PAN3: variants seen among roughly 807,000 people sequenced by gnomAD.
The protein encoded by PAN3 is poly(A) specific ribonuclease subunit PAN3.
PAN3 carries 19 observed loss-of-function variants against 96.2 expected under a neutral mutation model. That is an observed-to-expected ratio of 0.20 (90% CI 0.14 to 0.29). The LOEUF (loss-of-function observed/expected upper bound fraction) is 0.29. Among genes scored for constraint, PAN3 ranks in the 10% least tolerant of loss-of-function variants. The pLI, the probability that PAN3 is intolerant of heterozygous loss-of-function variation, is 1.00. For synonymous variants in PAN3, 433 were observed against 406.6 expected, an observed-to-expected ratio of 1.06 and a Z score of -0.78; for missense variants, 882 against 1,108.1, an observed-to-expected ratio of 0.80 and a Z score of 2.90.
intron 18 of PAN3, among the ~76,000 whole-genome samples, chr13:28,291,731 T>G (rs1052714742): frequency 6.6e-6 from 1 of 152,054 alleles, no homozygotes; most frequent in Non-Finnish European, 1.5e-5. Flanking sequence ...CTCGGGAGGT[T>G]GAGGCAGGAG....
At chr13:28,241,883 A>G (rs1489714738) in intron 6 of PAN3, among the ~76,000 whole-genome samples, 1 of 151,368 alleles carries the variant, frequency 6.6e-6, no homozygotes, top group African/African-American at 2.5e-5. Context: ...AATGCTTCAC[A>G]TGTTCTCAAG....
intron 6 of PAN3, among the ~76,000 whole-genome samples, chr13:28,248,165 T>C (rs545594080): frequency 1.3e-5 from 2 of 152,320 alleles, no homozygotes; most frequent in African/African-American, 4.8e-5. Context: ...AGATATTCTA[T>C]ATTTTTTGTA....
intron 6 of PAN3, among the ~76,000 whole-genome samples, chr13:28,247,721 A>G (rs1441294662): frequency 6.6e-6 from 1 of 152,162 alleles, no homozygotes; most frequent in Non-Finnish European, 1.5e-5. Context: ...CCGTTATGGA[A>G]AATTAGTTGC....
At chr13:28,185,425 G>GT (rs1876327724) in intron 4 of PAN3, among the ~76,000 whole-genome samples, 2 of 152,108 alleles carry the variant, frequency 1.3e-5, no homozygotes, top group Non-Finnish European at 2.9e-5. Context: ...ATTAAATTTT[G>GT]TTTTAACAAG....
At chr13:28,255,753 T>C (rs929812641) in intron 6 of PAN3, among the ~76,000 whole-genome samples, 1 of 152,144 alleles carries the variant, frequency 6.6e-6, no homozygotes, top group Admixed American at 6.6e-5. Context: ...AACTTTTTTT[T>C]TTTTGCTTTT....
chr13:28,267,003 A>C (rs990573049), intron 10 of PAN3, 92 bp from the exon 11 acceptor site: 1 of 1,332,416 alleles, frequency 7.5e-7, no homozygotes, highest in Non-Finnish European at 1.0e-6. Flanking sequence ...CCTCATGAGC[A>C]ATGTATAAAT....
At chr13:28,160,679 A>G (rs1314763073) in intron 1 of PAN3, among the ~76,000 whole-genome samples, 1 of 152,258 alleles carries the variant, frequency 6.6e-6, no homozygotes, top group African/African-American at 2.4e-5. Flanking sequence ...TAAACCTGTC[A>G]ATAAGTAACA....
intron 4 of PAN3, among the ~76,000 whole-genome samples, chr13:28,181,383 G>A (rs543956989): frequency 1.3e-5 from 2 of 151,780 alleles, no homozygotes; most frequent in South Asian, 2.1e-4. Context: ...GGTGGTGAAC[G>A]CCTGTAGTCA....
intron 14 of PAN3, among the ~76,000 whole-genome samples, chr13:28,272,915 T>G (rs1029943878): frequency 6.6e-6 from 1 of 152,182 alleles, no homozygotes; most frequent in Admixed American, 6.5e-5. Flanking sequence ...GAAAATGTAT[T>G]TATGTGATTT....
intron 6 of PAN3, among the ~76,000 whole-genome samples, chr13:28,241,212 A>G (rs1387071836): frequency 7.9e-5 from 12 of 152,024 alleles, no homozygotes; most frequent in African/African-American, 2.4e-5. Flanking sequence ...TCAGTGAACC[A>G]TGTTGGCGCC....
intron 1 of PAN3, among the ~76,000 whole-genome samples, chr13:28,172,062 T>C (rs1874375817): frequency 6.6e-6 from 1 of 152,212 alleles, no homozygotes; most frequent in Admixed American, 6.5e-5. Flanking sequence ...CTAGTGCCTA[T>C]CACTTAGGAA....
In PAN3 at chr13:28,174,374, C is replaced by T; in HGVS notation, c.533C>T (p.Thr178Ile). 2 of 1,613,164 alleles carry T rather than the reference C, an allele frequency of 1.2e-6. No individual in the cohort carries two copies. Among genetic ancestry groups the T allele is most frequent in the Non-Finnish European group, 8.5e-7 (1 of 1,179,304 alleles). Residue 178 changes from threonine to isoleucine, a missense_variant, in exon 2 of 19, where the codon ACA becomes ATA. By Grantham distance (89) the Thr-to-Ile change is moderately conservative (BLOSUM62 -1). Around this residue, in one of 3 missense-constraint regions of PAN3, gnomAD observed 442 missense variants for 422.8 expected, o/e 1.05. Transcript: ENST00000380958. ...GVNGFGSPVE[T>I]KYPLMQRMTN... ...AATGGATTTGGAAGCCCTGTAGAAACAAAATATCCCCTGATGCAGGTATCC... is the reference window on the plus strand; with the variant it reads ...AATGGATTTGGAAGCCCTGTAGAAATAAAATATCCCCTGATGCAGGTATCC...
intron 1 of PAN3, among the ~76,000 whole-genome samples, chr13:28,157,328 C>G (rs750577196): frequency 3.9e-5 from 6 of 152,126 alleles, no homozygotes; most frequent in Non-Finnish European, 8.8e-5. Flanking sequence ...ACTCTCAACA[C>G]TGCTATTCGA....
At chr13:28,235,694 CAT>C (rs1306176893) in intron 6 of PAN3, among the ~76,000 whole-genome samples, 196 of 91,284 alleles carry the variant, frequency 2.1e-3, no homozygotes, top group Admixed American at 3.0e-3. Context: ...CACACACACA[CAT>C]ACACACACAC....
chr13:28,264,313 T>C (rs1442534285), intron 9 of PAN3, among the ~76,000 whole-genome samples: 1 of 152,002 alleles, frequency 6.6e-6, no homozygotes, highest in Admixed American at 6.6e-5. Flanking sequence ...CCAAGGTGAG[T>C]GGATCACTTG....
intron 7 of PAN3, 135 bp downstream of exon 7, chr13:28,256,674 G>A (rs1885169597): frequency 1.1e-6 from 1 of 950,802 alleles, no homozygotes; most frequent in Non-Finnish European, 1.5e-6. Flanking sequence ...TAGATGAGAA[G>A]TCTAGTCTCT....
intron 1 of PAN3, among the ~76,000 whole-genome samples, chr13:28,158,210 A>G (rs1872466424): frequency 6.6e-6 from 1 of 152,216 alleles, no homozygotes; most frequent in Non-Finnish European, 1.5e-5. Flanking sequence ...ATGGTGGATT[A>G]AAGACTTAAA....
intron 1 of PAN3, among the ~76,000 whole-genome samples, chr13:28,150,153 A>G (rs1006107449): frequency 3.3e-5 from 5 of 152,222 alleles, no homozygotes; most frequent in Admixed American, 3.3e-4. Flanking sequence ...TTTAAATTCC[A>G]TAAGTCAGTT....
intron 1 of PAN3, among the ~76,000 whole-genome samples, chr13:28,171,973 G>A (rs1410743440): frequency 6.6e-6 from 1 of 152,188 alleles, no homozygotes; most frequent in African/African-American, 2.4e-5. Context: ...TAGGAGGTCT[G>A]TGTTAGGAAC....
Sources: gnomAD v4.1 joint callset for allele counts (sites outside exome capture counted in the v4.1 genomes callset) on GRCh38, gnomAD v4.1.1 for gene constraint, gnomAD v4.1.1 regional missense constraint, MANE v1.5 for transcripts, NCBI Gene and HGNC (gene_info 2026-07-23, HGNC 2026-07-21) for gene names.